The following BCAS3 variants were observed in gnomAD, a reference collection of about 807,000 sequenced individuals.
BCAS3 encodes BCAS3 microtubule associated cell migration factor.
In BCAS3, 53 loss-of-function variants were observed where a neutral mutation model predicts 116.1. The observed-to-expected ratio is 0.46, with a 90% confidence interval of 0.37 to 0.57. The LOEUF (loss-of-function observed/expected upper bound fraction) is 0.57. BCAS3 is among the 20% of genes least tolerant of loss of function. The pLI is 0.00. For missense variants in BCAS3, 917 were observed against 1,165.4 expected, an observed-to-expected ratio of 0.79 and a Z score of 3.10; for synonymous variants, 391 against 408.2, an observed-to-expected ratio of 0.96 and a Z score of 0.51.
At chr17:60,835,523 T>C (rs28461509) in intron 7 of BCAS3, among the ~76,000 whole-genome samples, 33,306 of 151,996 alleles carry the variant, frequency 0.22, 4,715 homozygotes, top group African/African-American at 0.41. Context: ...CCAAAATCTT[T>C]GCTATTGTTA....
chr17:61,298,943 C>T (rs1389731472), intron 22 of BCAS3, among the ~76,000 whole-genome samples: 1 of 151,882 alleles, frequency 6.6e-6, no homozygotes, highest in Non-Finnish European at 1.5e-5. Context: ...CTGCCTCAGC[C>T]TCCTGAGTGG....
At chr17:60,821,028 C>A (rs1056116734) in intron 7 of BCAS3, among the ~76,000 whole-genome samples, 41 of 152,112 alleles carry the variant, frequency 2.7e-4, no homozygotes, top group Non-Finnish European at 2.1e-4. Context: ...CTCACTGCAA[C>A]CTCCGCCTCC....
In BCAS3 at chr17:60,873,058, G is replaced by A. The variant is rs372388228; in HGVS notation, c.585-1604G>A. On this transcript the variant is annotated intron_variant, in intron 8 of 23. Coordinates refer to ENST00000407086, the MANE Select transcript of BCAS3 (RefSeq NM_017679.5). The stretch of plus-strand genomic sequence containing the variant: ...ATATAACATGTAGGCAAGGTGGTCT[G>A]AGGCTTTAGTATAGTAACAGAACAG... Among the ~76,000 whole-genome samples, 8 of 152,100 alleles carry A rather than the reference G, an allele frequency of 5.3e-5. No homozygotes were observed. The East Asian group carries it at 5.8e-4, about 11-fold the overall frequency.
chr17:60,729,082 A>G (rs148120030), intron 5 of BCAS3, among the ~76,000 whole-genome samples: 2 of 152,316 alleles, frequency 1.3e-5, no homozygotes, highest in Non-Finnish European at 2.9e-5. Flanking sequence ...GGCACACAGT[A>G]TGTACTCTTT....
intron 22 of BCAS3, among the ~76,000 whole-genome samples, chr17:61,103,123 A>C (rs2074429138): frequency 6.6e-6 from 1 of 152,168 alleles, no homozygotes; most frequent in Admixed American, 6.5e-5. Flanking sequence ...TCAGACAAGA[A>C]TCTAAATCCC....
At position 61,251,890 on chromosome 17, in the gene BCAS3, T is replaced by C. The variant is rs960770217; in HGVS notation, c.2426-116437T>C. ...GAGGTTGTAAAGAAGCTCTTTATAA[T>C]GAAGATCCCAAATATGTGAGCCTTC... On this transcript the variant is annotated intron_variant, in intron 22 of 23. Coordinates refer to ENST00000407086, the MANE Select transcript of BCAS3 (RefSeq NM_017679.5). This position sits in a 1 kb window ranked among gnomAD's most constrained non-coding sequence, Gnocchi z 4.7. 3.3e-5 allele frequency among the ~76,000 whole-genome samples: 5 copies of C among 152,214 alleles called. No individual in the cohort carries two copies. Among genetic ancestry groups the C allele is most frequent in the African/African-American group, 9.6e-5 (4 of 41,456 alleles).
At position 61,387,743 on chromosome 17, in the gene BCAS3, C is replaced by T. The variant is rs374055503; in HGVS notation, c.2594-4234C>T. Among the ~76,000 whole-genome samples the T allele has an allele frequency of 7.2e-5, 11 of 152,276 alleles. No individual in the cohort carries two copies. Among genetic ancestry groups the T allele is most frequent in the East Asian group, 3.9e-4 (2 of 5,180 alleles). Reference sequence around the variant, plus strand: ...CCGGAGCTGCCAGCACCCTGTGGCCCGCACCAGCACCCGTTCTTTCTTGGG... The same window carrying T: ...CCGGAGCTGCCAGCACCCTGTGGCCTGCACCAGCACCCGTTCTTTCTTGGG... On this transcript the variant is annotated intron_variant, in intron 23 of 23. Coordinates refer to ENST00000407086, the MANE Select transcript of BCAS3 (RefSeq NM_017679.5). The surrounding 1 kb of genome is among the most constrained non-coding windows in gnomAD (Gnocchi z 6.2).
chr17:60,851,456 A>G (rs1479508619), intron 7 of BCAS3: 1 of 498,938 alleles, frequency 2.0e-6, no homozygotes, highest in African/African-American at 2.0e-5. Context: ...CGCGGTTGTC[A>G]GCTAAACTTG....
intron 22 of BCAS3, among the ~76,000 whole-genome samples, chr17:61,289,912 G>A (rs1401985151): frequency 1.3e-5 from 2 of 152,152 alleles, no homozygotes; most frequent in Non-Finnish European, 1.5e-5. Context: ...ATTTGTTTGA[G>A]TGTTTATTTT....
intron 13 of BCAS3, among the ~76,000 whole-genome samples, chr17:60,927,596 A>T (rs1224455187): frequency 1.3e-5 from 2 of 152,140 alleles, no homozygotes; most frequent in African/African-American, 4.8e-5. Flanking sequence ...AGATTCTACT[A>T]AAGTTCTTCT....
chr17:61,297,988 C>T (rs1268298926), intron 22 of BCAS3, among the ~76,000 whole-genome samples: 1 of 152,212 alleles, frequency 6.6e-6, no homozygotes, highest in Non-Finnish European at 1.5e-5. Flanking sequence ...GGTCTCCCTG[C>T]AGCTTCATCA....
chr17:60,831,846 A>AT (rs1241066731), intron 7 of BCAS3, among the ~76,000 whole-genome samples: 1 of 145,362 alleles, frequency 6.9e-6, no homozygotes, highest in Non-Finnish European at 1.5e-5. Context: ...AAATACAATA[A>AT]TTTGTATATT....
chr17:61,191,257 C>G (rs902671870), intron 22 of BCAS3, among the ~76,000 whole-genome samples: 1 of 152,002 alleles, frequency 6.6e-6, no homozygotes, highest in African/African-American at 2.4e-5. Context: ...CAGAGTGAGA[C>G]CCTGTTTCCA....
At chr17:60,688,773 G>T (rs527663854) in intron 3 of BCAS3, among the ~76,000 whole-genome samples, 3 of 150,040 alleles carry the variant, frequency 2.0e-5, no homozygotes, top group South Asian at 4.2e-4. Flanking sequence ...CCAAAATCAT[G>T]CCACTGCACT....
rs1260347787 is a variant in BCAS3 at position 61,051,633 on chromosome 17, T to G, written c.2029+10741T>G. ...TTTTAATGGTGATAGGGTCTTACTCTGTCACTCAGACTGGAGTGCAGTGTC... is the reference window on the plus strand; with the variant it reads ...TTTTAATGGTGATAGGGTCTTACTCGGTCACTCAGACTGGAGTGCAGTGTC... On this transcript the variant is annotated intron_variant, in intron 19 of 23. Coordinates refer to ENST00000407086, the MANE Select transcript of BCAS3 (RefSeq NM_017679.5). This position sits in a 1 kb window ranked among gnomAD's most constrained non-coding sequence, Gnocchi z 4.1. Among the ~76,000 whole-genome samples, 1 of 152,228 alleles carries G rather than the reference T, an allele frequency of 6.6e-6. No individual in the cohort carries two copies. The highest frequency in any genetic ancestry group is 1.5e-5 in the Non-Finnish European group (1 of 68,042).
intron 14 of BCAS3, among the ~76,000 whole-genome samples, chr17:60,965,456 A>C (rs768874908): frequency 1.3e-5 from 2 of 152,020 alleles, no homozygotes; most frequent in Non-Finnish European, 2.9e-5. Flanking sequence ...TTCTGACCTC[A>C]AGTGATCTGC....
At chr17:61,000,069 T>C (rs368702988) in intron 15 of BCAS3, among the ~76,000 whole-genome samples, 74 of 152,210 alleles carry the variant, frequency 4.9e-4, no homozygotes, top group Admixed American at 1.5e-3. Context: ...ATCATATTGT[T>C]GGTAAAGAGA....
At chr17:60,824,955 C>T (rs1363169278) in intron 7 of BCAS3, among the ~76,000 whole-genome samples, 1 of 152,064 alleles carries the variant, frequency 6.6e-6, no homozygotes, top group Non-Finnish European at 1.5e-5. Flanking sequence ...CGCTTGAGCC[C>T]AGGAGTTCGA....
intron 22 of BCAS3, among the ~76,000 whole-genome samples, chr17:61,298,819 T>TTTATGTA (rs1555814153): frequency 1.0e-5 from 1 of 98,094 alleles, no homozygotes; most frequent in East Asian, 2.0e-4. Flanking sequence ...TATTTATTTA[T>TTTATGTA]TTATTATTAT....
Sources: allele counts gnomAD v4.1 joint callset (sites outside exome capture counted in the v4.1 genomes callset), GRCh38; gene constraint gnomAD v4.1.1; non-coding constraint Gnocchi (gnomAD v3.1); transcripts MANE v1.5; gene names NCBI Gene and HGNC (gene_info 2026-07-23, HGNC 2026-07-21).